Variants in ATP9B observed in about 807,000 individuals in gnomAD.
ATP9B encodes the protein probable phospholipid-transporting ATPase IIB.
ATP9B carries 110 observed loss-of-function variants against 146.1 expected under a neutral mutation model. The ratio of observed to expected loss-of-function variants is 0.75; its 90% CI spans 0.65 to 0.88. The LOEUF (loss-of-function observed/expected upper bound fraction) is 0.88, where lower values mean the gene tolerates loss of function less well. Among genes scored for constraint, ATP9B ranks in the 40% least tolerant of loss-of-function variants. ATP9B has a pLI of 0.00. For synonymous variants in ATP9B, 604 were observed against 569.7 expected, an observed-to-expected ratio of 1.06 and a Z score of -0.86; for missense variants, 1,499 against 1,496.4, an observed-to-expected ratio of 1.00 and a Z score of -0.03.
intron 11 of ATP9B, among the ~76,000 whole-genome samples, chr18:79,245,683 C>T (rs71359444): frequency 8.1e-5 from 12 of 148,560 alleles, no homozygotes; most frequent in South Asian, 2.1e-4. Context: ...GTGCGGAGGG[C>T]ACCGCCCTAC....
At chr18:79,111,571 A>G (rs2076005576) in intron 3 of ATP9B, among the ~76,000 whole-genome samples, 1 of 152,206 alleles carries the variant, frequency 6.6e-6, no homozygotes, top group Non-Finnish European at 1.5e-5. Flanking sequence ...GAATGAAGCC[A>G]CTGTTTTCTG....
intron 11 of ATP9B, among the ~76,000 whole-genome samples, chr18:79,250,984 C>T (rs908723750): frequency 6.6e-5 from 10 of 152,320 alleles, no homozygotes; most frequent in African/African-American, 2.4e-4. Context: ...TGGGAATGTG[C>T]AGTCTTTGAA....
chr18:79,348,851 G>A (rs535645605), intron 25 of ATP9B, among the ~76,000 whole-genome samples: 1 of 152,364 alleles, frequency 6.6e-6, no homozygotes, highest in Non-Finnish European at 1.5e-5. Context: ...AGGCGTGGTG[G>A]TGTGTGCCTG....
chr18:79,122,268 T>A (rs1486128039), intron 4 of ATP9B, among the ~76,000 whole-genome samples: 1 of 152,196 alleles, frequency 6.6e-6, no homozygotes, highest in Non-Finnish European at 1.5e-5. Context: ...GAACTTTTTT[T>A]AAGAAGTTAC....
chr18:79,082,009 C>T (rs1168387209), intron 1 of ATP9B, among the ~76,000 whole-genome samples: 3 of 152,168 alleles, frequency 2.0e-5, no homozygotes, highest in African/African-American at 7.2e-5. Context: ...TGTTTTCCAA[C>T]TTGGTTCCAT....
At chr18:79,263,912 G>A (rs2145376913) in intron 12 of ATP9B, among the ~76,000 whole-genome samples, 1 of 152,228 alleles carries the variant, frequency 6.6e-6, no homozygotes, top group South Asian at 2.1e-4. Context: ...GTGAAACCCT[G>A]TCTCTACTAA....
chr18:79,136,150 A>AT lies in ATP9B; in HGVS notation c.668-7650dup, dbSNP rs564628475. On this transcript the variant is annotated intron_variant, in intron 5 of 29. Coordinates refer to ENST00000426216, the MANE Select transcript of ATP9B (RefSeq NM_198531.5). ...ATACAACTAATTATTAATACAACTAATTAATACAACTAATACTAGTGTATT... is the reference window on the plus strand; with the variant it reads ...ATACAACTAATTATTAATACAACTAATTTAATACAACTAATACTAGTGTATT... Among the ~76,000 whole-genome samples the AT allele has an allele frequency of 2.6e-3, 391 of 151,900 alleles. 3 individuals are homozygous for AT. The highest frequency in any genetic ancestry group is 5.8e-3 in the South Asian group (28 of 4,830).
chr18:79,315,464 A>G (rs2096674203), intron 15 of ATP9B, among the ~76,000 whole-genome samples: 1 of 152,238 alleles, frequency 6.6e-6, no homozygotes, highest in African/African-American at 2.4e-5. Flanking sequence ...CCATTAAAAT[A>G]TAGAGATGAT....
chr18:79,330,189 T>G, intron 17 of ATP9B, 85 bp downstream of exon 17: 1 of 1,244,986 alleles, frequency 8.0e-7, no homozygotes. Context: ...TCACAGTGTT[T>G]CTATGAACTT....
At chr18:79,104,252 G>A (rs1568182593) in intron 2 of ATP9B, among the ~76,000 whole-genome samples, 2 of 152,178 alleles carry the variant, frequency 1.3e-5, no homozygotes, top group Non-Finnish European at 1.5e-5. Context: ...TGTCCAGGCC[G>A]TTAGGTGATT....
At chr18:79,184,316 G>A (rs922187099) in intron 8 of ATP9B, among the ~76,000 whole-genome samples, 1 of 152,110 alleles carries the variant, frequency 6.6e-6, no homozygotes, top group Non-Finnish European at 1.5e-5. Flanking sequence ...AGTATGTGTG[G>A]CTAAAGAATT....
intron 2 of ATP9B, among the ~76,000 whole-genome samples, chr18:79,099,270 G>A (rs1215825132): frequency 6.6e-6 from 1 of 151,816 alleles, no homozygotes; most frequent in Non-Finnish European, 1.5e-5. Context: ...TTGCCAGGCT[G>A]GAGTGCAGTG....
intron 10 of ATP9B, among the ~76,000 whole-genome samples, chr18:79,208,118 G>A (rs935966789): frequency 3.9e-5 from 6 of 152,128 alleles, no homozygotes; most frequent in African/African-American, 9.7e-5. Context: ...GGTGGCGGGC[G>A]CCTGTAGTCC....
intron 8 of ATP9B, among the ~76,000 whole-genome samples, chr18:79,190,886 G>C (rs2095359568): frequency 6.6e-6 from 1 of 151,952 alleles, no homozygotes; most frequent in African/African-American, 2.4e-5. Flanking sequence ...TTAAAAACAG[G>C]ATTTGGGGGT....
chr18:79,348,723 C>T (rs559887669), intron 25 of ATP9B, among the ~76,000 whole-genome samples: 2 of 152,374 alleles, frequency 1.3e-5, no homozygotes, highest in East Asian at 3.9e-4. Context: ...CGCCTGTAAT[C>T]CCAGCACTTT....
intron 12 of ATP9B, among the ~76,000 whole-genome samples, chr18:79,274,052 T>C (rs1336214726): frequency 6.6e-6 from 1 of 152,212 alleles, no homozygotes; most frequent in Non-Finnish European, 1.5e-5. Context: ...ACAGGTCTCT[T>C]GGTAACAATT....
intron 13 of ATP9B, among the ~76,000 whole-genome samples, chr18:79,297,370 G>A (rs1279315937): frequency 3.3e-5 from 5 of 150,826 alleles, no homozygotes; most frequent in Admixed American, 2.0e-4. Flanking sequence ...AGACACAGAC[G>A]ACCCAGAGAG....
intron 13 of ATP9B, among the ~76,000 whole-genome samples, chr18:79,302,868 T>A (rs575445798): frequency 4.5e-4 from 68 of 152,336 alleles, no homozygotes; most frequent in African/African-American, 1.5e-3. Flanking sequence ...TAGGTTTTTT[T>A]AAAAAATTAA....
At chr18:79,122,343 A>T (rs1475551169) in intron 4 of ATP9B, among the ~76,000 whole-genome samples, 1 of 152,178 alleles carries the variant, frequency 6.6e-6, no homozygotes, top group East Asian at 1.9e-4. Context: ...GCTGCAGACA[A>T]GTATATTTCT....
Sources: allele counts gnomAD v4.1 joint callset (sites outside exome capture counted in the v4.1 genomes callset), GRCh38; gene constraint gnomAD v4.1.1; transcripts MANE v1.5; gene names NCBI Gene and HGNC (gene_info 2026-07-23, HGNC 2026-07-21).